The following NCK1 variants were observed in gnomAD, a reference collection of about 807,000 sequenced individuals.
NCK1 encodes NCK adaptor protein 1.
A neutral mutation model predicts 36.6 loss-of-function variants in NCK1; 19 were observed. That is an observed-to-expected ratio of 0.52 (90% CI 0.36 to 0.76). The LOEUF (loss-of-function observed/expected upper bound fraction) is 0.76. Among genes scored for constraint, NCK1 ranks in the 30% least tolerant of loss-of-function variants. The pLI, the probability that NCK1 is intolerant of heterozygous loss-of-function variation, is 0.00. For missense variants in NCK1, 358 were observed against 445.6 expected (o/e 0.80, Z 1.77); for synonymous variants, 165 against 156.0 (o/e 1.06, Z -0.43).
At chr3:136,872,610 T>A (rs1005062488) in intron 1 of NCK1, among the ~76,000 whole-genome samples, 6 of 152,246 alleles carry the variant, frequency 3.9e-5, no homozygotes, top group African/African-American at 1.2e-4. Flanking sequence ...GGGGAAAATG[T>A]CTGCAGGGCG....
At chr3:136,911,399 C>T (rs537287236) in intron 1 of NCK1, among the ~76,000 whole-genome samples, 1 of 152,312 alleles carries the variant, frequency 6.6e-6, no homozygotes, top group African/African-American at 2.4e-5. Flanking sequence ...TTGCTTTTCT[C>T]TGCATCCTCA....
At chr3:136,932,980 T>C (rs1409289467) in intron 2 of NCK1, among the ~76,000 whole-genome samples, 2 of 152,184 alleles carry the variant, frequency 1.3e-5, no homozygotes, top group Admixed American at 6.5e-5. Flanking sequence ...GGTTCAGAAA[T>C]ATATTTGGAA....
At chr3:136,884,402 TA>T (rs1436683106) in intron 1 of NCK1, among the ~76,000 whole-genome samples, 1 of 152,188 alleles carries the variant, frequency 6.6e-6, no homozygotes, top group African/African-American at 2.4e-5. Context: ...TATAAGAAAG[TA>T]TAGCTTAATG....
At chr3:136,883,734 T>A (rs1187621315) in intron 1 of NCK1, among the ~76,000 whole-genome samples, 1 of 152,198 alleles carries the variant, frequency 6.6e-6, no homozygotes, top group Non-Finnish European at 1.5e-5. Context: ...TAGTTGAATT[T>A]TAACCAAGGG....
At chr3:136,880,349 A>G (rs1938896036) in intron 1 of NCK1, among the ~76,000 whole-genome samples, 1 of 152,092 alleles carries the variant, frequency 6.6e-6, no homozygotes, top group Non-Finnish European at 1.5e-5. Context: ...ACAAGTTAAA[A>G]TGAGGTTATT....
chr3:136,884,526 C>T (rs1459694939), intron 1 of NCK1, among the ~76,000 whole-genome samples: 3 of 152,222 alleles, frequency 2.0e-5, no homozygotes, highest in Admixed American at 6.5e-5. Context: ...CCGCAACCTC[C>T]GCTTCCTGGG....
At chr3:136,874,405 C>T (rs1454430379) in intron 1 of NCK1, among the ~76,000 whole-genome samples, 1 of 151,766 alleles carries the variant, frequency 6.6e-6, no homozygotes, top group Admixed American at 6.5e-5. Flanking sequence ...GTCTCGAAGT[C>T]CTGACCTCAG....
chr3:136,862,723 C>T (rs1296065621), intron 1 of NCK1, among the ~76,000 whole-genome samples: 1 of 152,244 alleles, frequency 6.6e-6, no homozygotes, highest in Non-Finnish European at 1.5e-5. Context: ...GTCCTTTTGC[C>T]AGCTGTGGCG....
At chr3:136,878,243 A>G (rs6439674) in intron 1 of NCK1, among the ~76,000 whole-genome samples, 152,201 of 152,240 alleles carry the variant, frequency 1, 76,081 homozygotes, top group Middle Eastern at 1. Context: ...ACCCCATCTC[A>G]ACTATAAACA....
chr3:136,886,194 TA>T (rs1448897882), intron 1 of NCK1, among the ~76,000 whole-genome samples: 1 of 152,204 alleles, frequency 6.6e-6, no homozygotes, highest in Non-Finnish European at 1.5e-5. Context: ...GCACCTGACT[TA>T]AAGTATATAT....
In NCK1 at chr3:136,928,207, A is replaced by G; in HGVS notation, c.206A>G (p.Lys69Arg). 2 of 1,613,448 alleles carry G rather than the reference A, an allele frequency of 1.2e-6. No homozygotes were observed. The highest frequency in any genetic ancestry group is 1.7e-6 in the Non-Finnish European group (2 of 1,179,886). ...AGTGCTCGGAAAGCATCTATTGTGA[A>G]AAACCTAAAGGATACCTTAGGTAAG... ...KNSARKASIV[K>R]NLKDTLGIGK... The change falls in exon 2 of 4, where the codon AAA (lysine) becomes AGA (arginine). Residue 69 changes from lysine to arginine, a missense_variant. Around this residue, in one of 3 missense-constraint regions of NCK1, gnomAD observed 143 missense variants for 162.4 expected, o/e 0.88. Transcript: ENST00000481752.
intron 2 of NCK1, among the ~76,000 whole-genome samples, chr3:136,929,804 T>C (rs944040907): frequency 2.0e-5 from 3 of 152,248 alleles, no homozygotes; most frequent in Admixed American, 6.5e-5. Context: ...AAAACTATTA[T>C]CATAGAGCAA....
At chr3:136,888,539 A>G (rs1330015841) in intron 1 of NCK1, among the ~76,000 whole-genome samples, 1 of 151,918 alleles carries the variant, frequency 6.6e-6, no homozygotes, top group Non-Finnish European at 1.5e-5. Flanking sequence ...AGTAGCTGGG[A>G]CTACAGAAGC....
intron 1 of NCK1, among the ~76,000 whole-genome samples, chr3:136,877,844 A>T (rs1553791158): frequency 6.6e-6 from 1 of 152,158 alleles, no homozygotes; most frequent in Non-Finnish European, 1.5e-5. Context: ...GGGTGGTGCT[A>T]AAAACAGGAG....
At chr3:136,905,428 CT>C (rs76657771) in intron 1 of NCK1, among the ~76,000 whole-genome samples, 54 of 145,940 alleles carry the variant, frequency 3.7e-4, no homozygotes, top group Admixed American at 4.1e-4. Context: ...TCTCTTGTAT[CT>C]TTTTTTTTTT....
rs1248631427 is a variant in NCK1, at chr3:136,948,587, T to A, written c.*134T>A. Reference sequence around the variant, plus strand: ...CTATATGAGAATTGACAATAAGTATTTTTATTATAACTCAGCCCATACATA... The same window carrying A: ...CTATATGAGAATTGACAATAAGTATATTTATTATAACTCAGCCCATACATA... On this transcript the variant is annotated 3_prime_UTR_variant, in exon 4 of 4. Coordinates refer to ENST00000481752, the MANE Select transcript of NCK1 (RefSeq NM_001291999.2). 4.0e-6 allele frequency: 3 copies of A among 746,396 alleles called. No individual in the cohort carries two copies. The highest frequency in any genetic ancestry group is 6.5e-6 in the Non-Finnish European group (3 of 461,710). 46.2% of individuals were successfully genotyped at this position (746,396 alleles called of 1,614,324 possible).
chr3:136,890,567 A>G (rs1456447223), intron 1 of NCK1, among the ~76,000 whole-genome samples: 2 of 152,224 alleles, frequency 1.3e-5, no homozygotes, highest in Non-Finnish European at 2.9e-5. Context: ...ACCTCTCAGT[A>G]CTTCATTCCT....
intron 1 of NCK1, among the ~76,000 whole-genome samples, chr3:136,875,953 C>A (rs1188746453): frequency 6.6e-6 from 1 of 152,170 alleles, no homozygotes; most frequent in Non-Finnish European, 1.5e-5. Context: ...AACAAACTAT[C>A]TCTCAGGCCA....
intron 1 of NCK1, chr3:136,867,345 C>T (rs979923465): frequency 6.6e-6 from 1 of 150,712 alleles, no homozygotes; most frequent in African/African-American, 2.4e-5. Context: ...ATCACAGCTC[C>T]TCATTGTAAC....
Sources: allele counts gnomAD v4.1 joint callset (sites outside exome capture counted in the v4.1 genomes callset), GRCh38; gene constraint gnomAD v4.1.1; regional missense constraint gnomAD v4.1.1; transcripts MANE v1.5; gene names NCBI Gene and HGNC (gene_info 2026-07-23, HGNC 2026-07-21).